Variants in DTNB observed in about 807,000 individuals in gnomAD.
The protein encoded by DTNB is dystrobrevin beta.
DTNB carries 63 observed loss-of-function variants against 90.7 expected under a neutral mutation model. The ratio of observed to expected loss-of-function variants is 0.69; its 90% CI spans 0.57 to 0.86. DTNB has a LOEUF of 0.86. DTNB is among the 40% of genes least tolerant of loss of function. The pLI, the probability that DTNB is intolerant of heterozygous loss-of-function variation, is 0.00. For synonymous variants in DTNB, 277 were observed against 286.7 expected, an observed-to-expected ratio of 0.97 and a Z score of 0.34; for missense variants, 744 against 807.1, an observed-to-expected ratio of 0.92 and a Z score of 0.95.
At chr2:25,620,820 A>T (rs1002694676) in intron 4 of DTNB, among the ~76,000 whole-genome samples, 45 of 152,242 alleles carry the variant, frequency 3.0e-4, no homozygotes, top group African/African-American at 1.1e-3. Flanking sequence ...TAAAAAATAA[A>T]ATAAATAGCC....
Position 25,673,394 on chromosome 2 carries a change from C to T in DTNB, c.-10G>A, listed in dbSNP as rs1051053575. 3 of 151,196 alleles carry T rather than the reference C, an allele frequency of 2.0e-5. No homozygotes were observed. Among genetic ancestry groups the T allele is most frequent in the Non-Finnish European group, 4.4e-5 (3 of 67,750 alleles). 9.4% of individuals were successfully genotyped at this position (151,196 alleles called of 1,614,324 possible). On this transcript the variant is annotated 5_prime_UTR_variant, in exon 1 of 21. It adds an upstream start codon to the 5' untranslated region. Coordinates refer to ENST00000406818, the MANE Select transcript of DTNB (RefSeq NM_021907.5). ...CGGCCGCAGACCCCCACCTTGCTCA[C>T]TTCCCCGCCGGAGCAGGGGTCGTCG...
intron 5 of DTNB, among the ~76,000 whole-genome samples, chr2:25,604,441 C>A (rs1020489678): frequency 6.6e-6 from 1 of 151,820 alleles, no homozygotes; most frequent in Non-Finnish European, 1.5e-5. Flanking sequence ...CAGTCTCACT[C>A]CACTACCCAG....
chr2:25,496,921 T>C (rs1166848979), intron 9 of DTNB, among the ~76,000 whole-genome samples: 2 of 152,050 alleles, frequency 1.3e-5, no homozygotes, highest in Admixed American at 1.3e-4. Context: ...CTCTAGCATC[T>C]TGCCAAAAAT....
chr2:25,452,711 T>C (rs922254264), intron 11 of DTNB, among the ~76,000 whole-genome samples: 8 of 152,120 alleles, frequency 5.3e-5, no homozygotes, highest in Non-Finnish European at 1.0e-4. Flanking sequence ...GAACTTTTCA[T>C]GTGTAGAATC....
At chr2:25,624,404 C>A (rs934725221) in intron 4 of DTNB, among the ~76,000 whole-genome samples, 18 of 152,220 alleles carry the variant, frequency 1.2e-4, no homozygotes, top group Non-Finnish European at 1.0e-4. Context: ...TTAACCTCAA[C>A]TTCAAAGAGG....
chr2:25,482,757 G>C, intron 10 of DTNB, 39 bp downstream of exon 10: 1 of 1,603,858 alleles, frequency 6.2e-7, no homozygotes, highest in South Asian at 1.1e-5. Context: ...ATCAGTAGCA[G>C]AGGCCAACAC....
intron 7 of DTNB, among the ~76,000 whole-genome samples, chr2:25,580,394 A>G (rs2061388616): frequency 6.6e-6 from 1 of 151,798 alleles, no homozygotes; most frequent in Admixed American, 6.6e-5. Flanking sequence ...GGTGGCCGGC[A>G]CCTGTAATCC....
At position 25,379,278 on chromosome 2, in the gene DTNB, CTT is replaced by C. The variant is rs2036837228; in HGVS notation, c.*29+10_*29+11del. The C allele has an allele frequency of 3.8e-6, 5 of 1,332,666 alleles. No individual in the cohort carries two copies. The highest frequency in any genetic ancestry group is 4.8e-6 in the Non-Finnish European group (5 of 1,033,338). 82.6% of individuals were successfully genotyped at this position (1,332,666 alleles called of 1,614,324 possible). ...AGGGGCCGTGGGGAGGCAGAGGACT[CTT>C]TGTACTCACCTGAGCTTCCTCTGTG... On this transcript the variant is annotated intron_variant, in intron 20 of 20. Coordinates refer to ENST00000406818, the MANE Select transcript of DTNB (RefSeq NM_021907.5).
intron 11 of DTNB, among the ~76,000 whole-genome samples, chr2:25,453,869 C>A (rs951671230): frequency 1.3e-5 from 2 of 152,152 alleles, no homozygotes; most frequent in African/African-American, 2.4e-5. Context: ...ACTTCTCAGC[C>A]GGGCGTAGTG....
intron 5 of DTNB, among the ~76,000 whole-genome samples, chr2:25,606,716 C>T (rs1467370901): frequency 6.6e-6 from 1 of 151,734 alleles, no homozygotes; most frequent in Non-Finnish European, 1.5e-5. Context: ...GCCAAAATGA[C>T]TAATGGTTAA....
At chr2:25,656,376 C>T (rs2082068358) in intron 1 of DTNB, among the ~76,000 whole-genome samples, 2 of 152,132 alleles carry the variant, frequency 1.3e-5, no homozygotes, top group African/African-American at 4.8e-5. Flanking sequence ...TTATCTACTC[C>T]AATACCACAG....
chr2:25,471,694 A>T (rs1469487626), intron 10 of DTNB, among the ~76,000 whole-genome samples: 1 of 152,106 alleles, frequency 6.6e-6, no homozygotes, highest in African/African-American at 2.4e-5. Context: ...GAGCCACCGC[A>T]TCTGGCCTGC....
chr2:25,586,627 C>T (rs1257940259), intron 6 of DTNB, among the ~76,000 whole-genome samples: 3 of 152,088 alleles, frequency 2.0e-5, no homozygotes, highest in East Asian at 1.9e-4. Context: ...AGCAAGGTCC[C>T]TCCCTTCAGG....
chr2:25,591,120 T>TGGGAGCAGGGAGACGCCAGGCAGC (rs1559151073), intron 6 of DTNB, among the ~76,000 whole-genome samples: 1 of 152,116 alleles, frequency 6.6e-6, no homozygotes, highest in Admixed American at 6.5e-5. Flanking sequence ...GAGCAGGTGT[T>TGGGAGCAGGGAGACGCCAGGCAGC]GGGAGCAGGG....
intron 4 of DTNB, among the ~76,000 whole-genome samples, chr2:25,614,639 G>T (rs1241542991): frequency 1.3e-5 from 2 of 152,126 alleles, no homozygotes; most frequent in East Asian, 3.8e-4. Context: ...AATCAAAAAA[G>T]ATTTAGAGAG....
At chr2:25,539,414 C>T (rs949244957) in intron 8 of DTNB, among the ~76,000 whole-genome samples, 2 of 152,198 alleles carry the variant, frequency 1.3e-5, no homozygotes, top group Non-Finnish European at 2.9e-5. Context: ...GACATGTTAA[C>T]ATTTGCCAAG....
intron 6 of DTNB, among the ~76,000 whole-genome samples, chr2:25,586,123 G>A (rs983316180): frequency 3.9e-5 from 6 of 152,074 alleles, no homozygotes; most frequent in East Asian, 1.9e-4. Context: ...CAGTGAAAAC[G>A]AGGATGCAAA....
intron 6 of DTNB, among the ~76,000 whole-genome samples, chr2:25,592,060 CAAAAAAAAAAA>C (rs1162292627): frequency 8.2e-5 from 4 of 48,996 alleles, no homozygotes; most frequent in African/African-American, 1.7e-4. Context: ...GACTCCATCT[CAAAAAAAAAAA>C]AAAAAAAAAA....
intron 8 of DTNB, among the ~76,000 whole-genome samples, chr2:25,575,974 C>T (rs1005160806): frequency 2.0e-5 from 3 of 152,098 alleles, no homozygotes; most frequent in Admixed American, 6.6e-5. Context: ...TATTGACTTC[C>T]GCCAAGATAT....
Sources: allele counts gnomAD v4.1 joint callset (sites outside exome capture counted in the v4.1 genomes callset), GRCh38; gene constraint gnomAD v4.1.1; transcripts MANE v1.5; gene names NCBI Gene and HGNC (gene_info 2026-07-23, HGNC 2026-07-21).